The following ETV3 variants were observed in gnomAD, a reference collection of about 807,000 sequenced individuals.
The protein encoded by ETV3 is ETS variant transcription factor 3, also known as ETS translocation variant 3.
A neutral mutation model predicts 33.0 loss-of-function variants in ETV3; 8 were observed. The observed-to-expected ratio is 0.24, with a 90% CI of 0.14 to 0.44. The LOEUF (loss-of-function observed/expected upper bound fraction) is 0.44. Ranked by LOEUF, ETV3 falls within the 20% of genes least tolerant of loss-of-function variation. The pLI is 1.00. For missense variants in ETV3, 473 were observed against 652.3 expected (o/e 0.73, Z 2.99); for synonymous variants, 222 against 238.9 (o/e 0.93, Z 0.65).
At position 157,125,722 on chromosome 1, in the gene ETV3, T is replaced by A. The variant is rs1674820452; in HGVS notation, c.658A>T (p.Ile220Phe). 2 of 1,551,414 alleles carry A rather than the reference T, an allele frequency of 1.3e-6. No homozygotes were observed. The highest frequency in any genetic ancestry group is 1.7e-6 in the Non-Finnish European group (2 of 1,146,960). The change falls in exon 5 of 5, where the codon ATT (isoleucine) becomes TTT (phenylalanine). Residue 220 changes from isoleucine (I) to phenylalanine (F), a missense_variant. Transcript: ENST00000368192. This position sits in a 1 kb window ranked among gnomAD's most constrained non-coding sequence, Gnocchi z 4.0. ...TCAGGCTTGCGTTTCTGATGGCCAA[T>A]CCCTCCTCCACCAATGGCATTCCTG... is the stretch of plus-strand genomic sequence containing the variant. ...SSRNAIGGGG[I>F]GHQKRKPDIM...
rs1054904763 is a variant in ETV3 at position 157,126,813 on chromosome 1, G to C, written c.401-834C>G. On this transcript the variant is annotated intron_variant, in intron 4 of 4. Coordinates refer to ENST00000368192, the MANE Select transcript of ETV3 (RefSeq NM_001145312.3). ...GACAGAGCTGCCCTGGCTGACTGTA[G>C]GGAGGGACAGAGCTGCCCTGGCTGA... Among the ~76,000 whole-genome samples the C allele has an allele frequency of 4.3e-4, 64 of 148,942 alleles. 2 individuals are homozygous for C. Among genetic ancestry groups the C allele is most frequent in the Admixed American group, 3.4e-3 (51 of 14,996 alleles).
At chr1:157,133,662 T>A (rs147487431) in intron 4 of ETV3, 10 of 990,426 alleles carry the variant, frequency 1.0e-5, no homozygotes, top group Middle Eastern at 5.2e-4. Context: ...CCTTCTCTGA[T>A]CAAGGATGCT....
intron 4 of ETV3, among the ~76,000 whole-genome samples, chr1:157,127,766 C>T (rs1283619531): frequency 6.6e-6 from 1 of 152,050 alleles, no homozygotes; most frequent in East Asian, 1.9e-4. Flanking sequence ...AGGCTGATCT[C>T]GAACTCCTGG....
At chr1:157,135,830 C>T in intron 2 of ETV3, 122 bp from the exon 3 acceptor site, 1 of 978,458 alleles carries the variant, frequency 1.0e-6, no homozygotes. Flanking sequence ...TGTAAGTACT[C>T]TCAGTCAGCT....
intron 4 of ETV3, chr1:157,133,285 A>G (rs1331479004): frequency 1.9e-6 from 1 of 521,118 alleles, no homozygotes; most frequent in Non-Finnish European, 2.5e-6. Context: ...AAGGGAAGAA[A>G]AAACATCATA....
intron 4 of ETV3, among the ~76,000 whole-genome samples, chr1:157,127,095 T>C (rs1674858017): frequency 1.3e-5 from 2 of 152,230 alleles, no homozygotes; most frequent in South Asian, 4.1e-4. Context: ...CAAGGCCCCA[T>C]TCCTGGATGC....
chr1:157,125,249 G>T lies in ETV3; in HGVS notation c.1131C>A (p.Pro377=), dbSNP rs543397069. 149 of 1,552,098 alleles carry T rather than the reference G, an allele frequency of 9.6e-5. No homozygotes were observed. The East Asian group carries it at 3.5e-3, about 37-fold the overall frequency. Residue 377 remains proline (P), a synonymous_variant, in exon 5 of 5, where the codon CCC becomes CCA. Coordinates refer to ENST00000368192, the MANE Select transcript of ETV3 (RefSeq NM_001145312.3). This position sits in a 1 kb window ranked among gnomAD's most constrained non-coding sequence, Gnocchi z 4.0. ...AGGCAGGTTCCACCTTGATTCTTGG[G>T]GGAATAGAAGCCATGGTGGGCGTGG... is the stretch of plus-strand genomic sequence containing the variant. ...PVTTPTMASI[P]PRIKVEPASE...
Position 157,124,911 on chromosome 1 carries a change from C to T in ETV3, c.1469G>A (p.Ser490Asn). ...WNDDPEAREL[S>N]KSGKFLWNGS... is the part of the protein sequence containing the mutation. The stretch of plus-strand genomic sequence containing the variant: ...ATTCCAGAGAAACTTGCCACTCTTG[C>T]TCAGCTCTCGGGCTTCAGGGTCATC... Residue 490 changes from serine (S) to asparagine (N), a missense_variant, in exon 5 of 5, where the codon AGC becomes AAC. Physicochemically the swap from Ser to Asn is conservative, Grantham distance 46. Transcript: ENST00000368192. The T allele has an allele frequency of 6.4e-7, 1 of 1,551,694 alleles. No individual in the cohort carries two copies. Among genetic ancestry groups the T allele is most frequent in the Non-Finnish European group, 8.7e-7 (1 of 1,146,982 alleles).
intron 4 of ETV3, among the ~76,000 whole-genome samples, chr1:157,126,751 C>T (rs35217290): frequency 0.19 from 20,220 of 108,658 alleles, 1,271 homozygotes; most frequent in South Asian, 0.27. Flanking sequence ...GCTGACTGTG[C>T]GGAGGGGCAG....
chr1:157,131,131 G>A (rs1003807041), intron 4 of ETV3, among the ~76,000 whole-genome samples: 5 of 152,234 alleles, frequency 3.3e-5, no homozygotes, highest in African/African-American at 1.2e-4. Flanking sequence ...TGTAGGTTTC[G>A]AGTTTTCCCA....
Position 157,136,340 on chromosome 1 carries a change from A to T in ETV3, c.13T>A (p.Cys5Ser), listed in dbSNP as rs1018954526. The change falls in exon 2 of 5, where the codon TGT becomes AGT. Residue 5 changes from cysteine to serine, a missense_variant. Cys to Ser is a moderately radical substitution (Grantham distance 112, BLOSUM62 -1). Coordinates refer to ENST00000368192, the MANE Select transcript of ETV3 (RefSeq NM_001145312.3). Reference protein sequence around the residue: MKAGCSIVEKPEGGG... With the variant: MKAGSSIVEKPEGGG... ...CCTTCTGGCTTTTCCACGATGCTAC[A>T]GCCGGCTTTCATTTTCACCCGCCTG... The T allele has an allele frequency of 1.9e-6, 3 of 1,610,988 alleles. No individual in the cohort carries two copies. The highest frequency in any genetic ancestry group is 2.5e-6 in the Non-Finnish European group (3 of 1,178,798).
chr1:157,129,266 A>C (rs1674917689), intron 4 of ETV3, among the ~76,000 whole-genome samples: 1 of 152,238 alleles, frequency 6.6e-6, no homozygotes, highest in South Asian at 2.1e-4. Context: ...AAGATTTAAC[A>C]CTTCTCACAT....
intron 4 of ETV3, chr1:157,133,891 G>T: frequency 7.3e-7 from 1 of 1,377,784 alleles, no homozygotes; most frequent in Non-Finnish European, 9.3e-7. Flanking sequence ...GCAGAAAAGG[G>T]AACCAACCAA....
rs2103206550 is a variant in ETV3 at position 157,134,216 on chromosome 1, T to C, written c.296A>G (p.Asn99Ser). 1.2e-6 allele frequency: 2 copies of C among 1,612,392 alleles called. No individual in the cohort carries two copies. The highest frequency in any genetic ancestry group is 1.1e-5 in the South Asian group (1 of 90,420). Residue 99 changes from asparagine (N) to serine (S), a missense_variant, in exon 4 of 5, where the codon AAC becomes AGC. By Grantham distance (46) the Asn-to-Ser change is conservative (BLOSUM62 1). Coordinates refer to ENST00000368192, the MANE Select transcript of ETV3 (RefSeq NM_001145312.3). ...KLSRALRYYY[N>S]KRILHKTKGK... is the part of the protein sequence containing the mutation. ...TTTTGTTTTATGAAGGATCCTCTTG[T>C]TGTAATAGTATCTGTAAAAACAGGA...
chr1:157,136,479 G>T, intron 1 of ETV3, 114 bp from the exon 2 acceptor site: 1 of 901,242 alleles, frequency 1.1e-6, no homozygotes, highest in Non-Finnish European at 1.7e-6. Context: ...CTTTCCGTAT[G>T]CAACTCTCTT....
Position 157,125,348 on chromosome 1 carries a change from G to A in ETV3, c.1032C>T (p.Ile344=). ...MHPEESTQFS[I]KLQPPPVGRK... Reference sequence around the variant, plus strand: ...GCCCAACTGGTGGGGGCTGCAGCTTGATGGAGAACTGAGTTGACTCCTCAG... The same window carrying A: ...GCCCAACTGGTGGGGGCTGCAGCTTAATGGAGAACTGAGTTGACTCCTCAG... Residue 344 remains isoleucine (I), a synonymous_variant, in exon 5 of 5, where the codon ATC becomes ATT. Transcript: ENST00000368192. This position sits in a 1 kb window ranked among gnomAD's most constrained non-coding sequence, Gnocchi z 4.0. 6.4e-7 allele frequency: 1 copy of A among 1,551,982 alleles called. No homozygotes were observed. The highest frequency in any genetic ancestry group is 8.7e-7 in the Non-Finnish European group (1 of 1,147,056).
In ETV3 at chr1:157,136,374, C is replaced by T. The variant is rs1309365725; in HGVS notation, c.-13-9G>A. The T allele has an allele frequency of 1.9e-6, 3 of 1,599,378 alleles. No individual in the cohort carries two copies. The highest frequency in any genetic ancestry group is 2.6e-6 in the Non-Finnish European group (3 of 1,174,784). ...TCATTTTCACCCGCCTGCTGAGAGA[C>T]ACAAGCCACACAATTACTTTAAGAT... On this transcript the variant is annotated splice_polypyrimidine_tract_variant and intron_variant, in intron 1 of 4. Transcript: ENST00000368192.
chr1:157,125,480 G>A lies in ETV3; in HGVS notation c.900C>T (p.His300=), dbSNP rs916422061. ...CFSFNPEEMK[H]YLHSQACSVF... ...CAGAACAAGCTTGAGAATGAAGGTA[G>A]TGTTTCATTTCCTCAGGGTTGAAGG... Residue 300 remains histidine, a synonymous_variant, in exon 5 of 5, where the codon CAC becomes CAT. Transcript: ENST00000368192. This position sits in a 1 kb window ranked among gnomAD's most constrained non-coding sequence, Gnocchi z 4.0. The A allele has an allele frequency of 1.9e-6, 3 of 1,552,178 alleles. No homozygotes were observed. Among genetic ancestry groups the A allele is most frequent in the African/African-American group, 2.7e-5 (2 of 73,044 alleles).
intron 3 of ETV3, chr1:157,135,159 A>G: frequency 2.2e-6 from 1 of 465,058 alleles, no homozygotes; most frequent in Non-Finnish European, 3.8e-6. Flanking sequence ...AATCCTTTGG[A>G]TTATAAATGA....
Sources: gnomAD v4.1 joint callset for allele counts (sites outside exome capture counted in the v4.1 genomes callset) on GRCh38, gnomAD v4.1.1 for gene constraint, Gnocchi (gnomAD v3.1) non-coding constraint, MANE v1.5 for transcripts, NCBI Gene and HGNC (gene_info 2026-07-23, HGNC 2026-07-21) for gene names.